Variants in DDX3X observed in about 807,000 individuals in gnomAD.
The protein encoded by DDX3X is ATP-dependent RNA helicase DDX3X.
DDX3X carries 4 observed loss-of-function variants against 52.7 expected under a neutral mutation model. The ratio of observed to expected loss-of-function variants is 0.08; its 90% CI spans 0.04 to 0.17. The LOEUF is 0.17. DDX3X is among the 10% of genes least tolerant of loss of function. The probability of loss-of-function intolerance (pLI) is 1.00; values close to 1 mark genes in which losing one functional copy is unlikely to be tolerated. For missense variants in DDX3X, 222 were observed against 548.6 expected (o/e 0.40, Z 5.95); for synonymous variants, 192 against 178.1 (o/e 1.08, Z -0.62).
chrX:41,341,676 C>T (rs2063853176), intron 4 of DDX3X, 60 bp downstream of exon 4: 3 of 1,052,675 alleles, frequency 2.8e-6, no homozygotes, highest in Admixed American at 2.3e-5. Flanking sequence ...AAGTCGTTAT[C>T]CTGACCACCT....
chrX:41,340,818 A>G (rs1288107935), intron 3 of DDX3X: 1 of 295,288 alleles, frequency 3.4e-6, no homozygotes, highest in Non-Finnish European at 5.9e-6. Flanking sequence ...AACAATGGTA[A>G]CTGTTTTTCC....
chrX:41,346,159 T>A (rs1478491575), intron 12 of DDX3X, 70 bp from the exon 13 acceptor site: 2 of 927,442 alleles, frequency 2.2e-6, no homozygotes, highest in African/African-American at 2.0e-5. Flanking sequence ...CACATTAAAA[T>A]TGTGCATACA....
chrX:41,342,372 T>G (rs2063863680), intron 4 of DDX3X, 123 bp from the exon 5 acceptor site: 1 of 752,658 alleles, frequency 1.3e-6, no homozygotes, highest in South Asian at 2.8e-5. Context: ...TAACTCAGAA[T>G]TGGATTGTTG....
chrX:41,346,114 C>A, intron 12 of DDX3X, 115 bp from the exon 13 acceptor site: 1 of 619,303 alleles, frequency 1.6e-6, no homozygotes. Context: ...TGTTGAAAGC[C>A]CGTTTTTAAG....
At chrX:41,345,036 C>A in intron 10 of DDX3X, 144 bp from the exon 11 acceptor site, 1 of 539,800 alleles carries the variant, frequency 1.9e-6, no homozygotes. Flanking sequence ...TAAAATTATG[C>A]AGTGTGAGGC....
intron 4 of DDX3X, chrX:41,342,130 G>A (rs2063859488): frequency 5.8e-6 from 1 of 171,552 alleles, no homozygotes; most frequent in Non-Finnish European, 1.1e-5. Flanking sequence ...TAACTAGGAC[G>A]ATTGATATTT....
At chrX:41,337,304 C>T (rs1294927447) in intron 1 of DDX3X, 104 bp from the exon 2 acceptor site, 9 of 670,609 alleles carry the variant, frequency 1.3e-5, no homozygotes, top group South Asian at 2.4e-5. Flanking sequence ...GTGGACTGGG[C>T]AACTACTTGA....
chrX:41,339,263 G>T (rs925190306), intron 3 of DDX3X, 180 bp downstream of exon 3: 25 of 222,988 alleles, frequency 1.1e-4, no homozygotes, highest in Non-Finnish European at 1.9e-4. Flanking sequence ...CTAATGTTAC[G>T]CAGTGGGAAA....
In DDX3X at chrX:41,349,457, A is replaced by G. The variant is rs781079886; in HGVS notation, c.*1738A>G. ...CCATGGGAATGATAGTTGGGAAGAA[A>G]ACTATTTGCACACGACAGATTTCTA... On this transcript the variant is annotated 3_prime_UTR_variant, in exon 17 of 17. Coordinates refer to ENST00000644876, the MANE Select transcript of DDX3X (RefSeq NM_001356.5). 1 of 111,906 alleles carries G rather than the reference A, an allele frequency of 8.9e-6. No homozygotes were observed. Among genetic ancestry groups the G allele is most frequent in the East Asian group, 2.8e-4 (1 of 3,592 alleles). 9.2% of individuals were successfully genotyped at this position (111,906 alleles called of 1,213,427 possible).
rs1460389932 is a variant in DDX3X at position 41,334,199 on chromosome X, G to T, written c.-54G>T. Reference sequence around the variant, plus strand: ...CTCCCGTGAGAGGGCCTTCGCGGTGGAACAAACACTCGCTTAGCAGCGGAA... The same window carrying T: ...CTCCCGTGAGAGGGCCTTCGCGGTGTAACAAACACTCGCTTAGCAGCGGAA... On this transcript the variant is annotated 5_prime_UTR_variant, in exon 1 of 17. Coordinates refer to ENST00000644876, the MANE Select transcript of DDX3X (RefSeq NM_001356.5). 11 of 1,161,346 alleles carry T rather than the reference G, an allele frequency of 9.5e-6. No homozygotes were observed. Among genetic ancestry groups the T allele is most frequent in the Non-Finnish European group, 1.3e-5 (11 of 856,067 alleles).
Position 41,348,164 on chromosome X carries a change from T to C in DDX3X, c.*445T>C, listed in dbSNP as rs1366957515. ...CCTTGGCACACAGGTGTGATACAAC[T>C]TAACAGGAATCATCGATTCATCCAT... On this transcript the variant is annotated 3_prime_UTR_variant, in exon 17 of 17. Coordinates refer to ENST00000644876, the MANE Select transcript of DDX3X (RefSeq NM_001356.5). 2 of 255,741 alleles carry C rather than the reference T, an allele frequency of 7.8e-6. No homozygotes were observed. Among genetic ancestry groups the C allele is most frequent in the Non-Finnish European group, 1.4e-5 (2 of 144,888 alleles). 21.1% of individuals were successfully genotyped at this position (255,741 alleles called of 1,213,427 possible).
At chrX:41,345,588 TTC>T (rs1449088319) in intron 12 of DDX3X, 40 bp downstream of exon 12, 14 of 1,102,795 alleles carry the variant, frequency 1.3e-5, no homozygotes, top group Non-Finnish European at 1.7e-5. Context: ...ACATGGGGGT[TTC>T]TCTTTGTTGC....
chrX:41,352,575 T>C (rs1035022356), downstream of DDX3X, among the ~76,000 whole-genome samples: 3 of 111,507 alleles, frequency 2.7e-5, no homozygotes, highest in Non-Finnish European at 5.6e-5. Flanking sequence ...TGATTTGGTG[T>C]CTGCTTGAGT....
At position 41,343,083 on chromosome X, in the gene DDX3X, A is replaced by G. The variant is rs941717938; in HGVS notation, c.544-133A>G. On this transcript the variant is annotated intron_variant, in intron 6 of 16. Transcript: ENST00000644876. ...TAAGCCTGGGGGTTGGTTTTTCTCA[A>G]AGTATAATGTGATAATTTTACTTAA... 5 of 836,362 alleles carry G rather than the reference A, an allele frequency of 6.0e-6. No homozygotes were observed. The African/African-American group carries it at 1.0e-4, about 17-fold the overall frequency. The allele number at this position is 836,362 out of a possible 1,213,427, so 68.9% of individuals were successfully genotyped here. A position where few individuals can be genotyped will look rare whatever the true frequency, so the allele number is the denominator to read the frequency against.
At chrX:41,340,410 C>T (rs938143382) in intron 3 of DDX3X, 5 of 120,571 alleles carry the variant, frequency 4.1e-5, no homozygotes, top group Admixed American at 1.8e-4. Flanking sequence ...ACTGGCCTAA[C>T]GGTAGGAGGT....
At chrX:41,346,127 G>GAT (rs1319618005) in intron 12 of DDX3X, 102 bp from the exon 13 acceptor site, 5 of 707,599 alleles carry the variant, frequency 7.1e-6, no homozygotes, top group African/African-American at 2.2e-5. Flanking sequence ...TTTTTAAGAA[G>GAT]ATATATATGT....
Position 41,334,279 on chromosome X carries a change from G to A in DDX3X, c.27G>A (p.Ala9=), listed in dbSNP as rs761774074. 3.3e-6 allele frequency: 4 copies of A among 1,211,295 alleles called. No individual in the cohort carries two copies. The South Asian group carries it at 5.3e-5, about 16-fold the overall frequency. MSHVAVEN[A]LGLDQQFAGL... The stretch of plus-strand genomic sequence containing the variant: ...TGAGTCATGTGGCAGTGGAAAATGC[G>A]CTCGGGCTGGACCAGCAGGTGAGCC... The change falls in exon 1 of 17, where the codon GCG becomes GCA. Residue 9 remains alanine (A), a synonymous_variant. Coordinates refer to ENST00000644876, the MANE Select transcript of DDX3X (RefSeq NM_001356.5).
At chrX:41,352,954 T>C (rs2063994569), downstream of DDX3X, among the ~76,000 whole-genome samples, 1 of 111,759 alleles carries the variant, frequency 8.9e-6, no homozygotes, top group Admixed American at 9.6e-5. Context: ...TTAAAACAGA[T>C]ATTGCAAACA....
Position 41,339,037 on chromosome X carries a change from A to G in DDX3X, c.105A>G (p.Lys35=). ...TTATATATATATATATTTTTTTAGA[A>G]GGGCGCTATATTCCTCCTCATTTAA... ...DNQSGGSTAS[K]GRYIPPHLRN... The change falls in exon 3 of 17, where the codon AAA becomes AAG. Residue 35 remains lysine (K), a splice_region_variant and synonymous_variant. Transcript: ENST00000644876. 1 of 985,600 alleles carries G rather than the reference A, an allele frequency of 1.0e-6. No individual in the cohort carries two copies. Among genetic ancestry groups the G allele is most frequent in the Non-Finnish European group, 1.3e-6 (1 of 754,795 alleles). 81.2% of individuals were successfully genotyped at this position (985,600 alleles called of 1,213,427 possible). A position where few individuals can be genotyped will look rare whatever the true frequency, so the allele number is the denominator to read the frequency against.
Sources: allele counts gnomAD v4.1 joint callset (sites outside exome capture counted in the v4.1 genomes callset), GRCh38; gene constraint gnomAD v4.1.1; transcripts MANE v1.5; gene names NCBI Gene and HGNC (gene_info 2026-07-23, HGNC 2026-07-21).